Variants in ARHGEF3 observed in about 807,000 individuals in gnomAD.
The protein encoded by ARHGEF3 is Rho guanine nucleotide exchange factor 3.
A neutral mutation model predicts 63.2 loss-of-function variants in ARHGEF3; 28 were observed. The ratio of observed to expected loss-of-function variants is 0.44; its 90% CI spans 0.33 to 0.61. ARHGEF3 has a LOEUF of 0.61. Ranked by LOEUF, ARHGEF3 falls within the 20% of genes least tolerant of loss-of-function variation. The pLI, the probability that ARHGEF3 is intolerant of heterozygous loss-of-function variation, is 0.03. For missense variants in ARHGEF3, 533 were observed against 659.3 expected (o/e 0.81, Z 2.10); for synonymous variants, 266 against 254.2 (o/e 1.05, Z -0.44).
intron 2 of ARHGEF3, among the ~76,000 whole-genome samples, chr3:56,755,463 CT>C (rs1370368296): frequency 6.6e-6 from 1 of 152,172 alleles, no homozygotes; most frequent in Non-Finnish European, 1.5e-5. Context: ...ATGAGCTCTA[CT>C]TTTTTCCAGT....
intron 3 of ARHGEF3, among the ~76,000 whole-genome samples, chr3:56,954,212 T>G (rs2106710387): frequency 6.6e-6 from 1 of 152,296 alleles, no homozygotes; most frequent in South Asian, 2.1e-4. Context: ...CAGCAGGTCC[T>G]GGTTAAGCAT....
intron 3 of ARHGEF3, chr3:56,940,285 G>C (rs1699112585): frequency 6.6e-6 from 1 of 152,144 alleles, no homozygotes; most frequent in Non-Finnish European, 1.5e-5. Flanking sequence ...TTGCAACTAG[G>C]ATTTTGTAAT....
chr3:57,041,544 A>T (rs954202104), intron 1 of ARHGEF3, among the ~76,000 whole-genome samples: 1 of 152,118 alleles, frequency 6.6e-6, no homozygotes, highest in African/African-American at 2.4e-5. Context: ...TAATTACCAA[A>T]ATATATATAT....
intron 3 of ARHGEF3, among the ~76,000 whole-genome samples, chr3:56,907,182 T>C (rs1030899710): frequency 1.3e-5 from 2 of 152,030 alleles, no homozygotes; most frequent in Admixed American, 6.6e-5. Flanking sequence ...GGTTTCACCA[T>C]GTTAGCTAGG....
intron 4 of ARHGEF3, among the ~76,000 whole-genome samples, chr3:56,847,104 G>A (rs2039516752): frequency 6.6e-6 from 1 of 152,140 alleles, no homozygotes; most frequent in African/African-American, 2.4e-5. Flanking sequence ...AGTCAGAATA[G>A]GGGGTGGAGG....
At chr3:56,783,492 T>C (rs2036658651) in intron 1 of ARHGEF3, among the ~76,000 whole-genome samples, 1 of 152,170 alleles carries the variant, frequency 6.6e-6, no homozygotes, top group African/African-American at 2.4e-5. Context: ...ATTACCTTCA[T>C]TCTTCTTGGT....
chr3:56,910,642 A>G (rs1360611136), intron 3 of ARHGEF3, among the ~76,000 whole-genome samples: 1 of 152,224 alleles, frequency 6.6e-6, no homozygotes, highest in African/African-American at 2.4e-5. Context: ...CCCAAACCTA[A>G]AAAGCCAAAA....
chr3:56,781,476 C>A (rs556608333), intron 1 of ARHGEF3, among the ~76,000 whole-genome samples: 173 of 152,218 alleles, frequency 1.1e-3, no homozygotes, highest in African/African-American at 4.0e-3. Flanking sequence ...CAACTCCTGA[C>A]CTCAGGTGAT....
intron 3 of ARHGEF3, among the ~76,000 whole-genome samples, chr3:56,948,358 T>G (rs1483636682): frequency 6.6e-6 from 1 of 152,000 alleles, no homozygotes; most frequent in Non-Finnish European, 1.5e-5. Context: ...TTTGAAAAGA[T>G]CAACAAAATT....
intron 2 of ARHGEF3, among the ~76,000 whole-genome samples, chr3:56,968,578 C>G (rs964923306): frequency 6.7e-6 from 1 of 150,166 alleles, no homozygotes; most frequent in Non-Finnish European, 1.5e-5. Flanking sequence ...ATCCTCCTGC[C>G]TCAGCCTCCC....
chr3:56,775,800 G>GCACA (rs146595496), intron 1 of ARHGEF3: 3,101 of 213,198 alleles, frequency 0.015, 16 homozygotes, highest in South Asian at 0.019. Context: ...ACACGCGCAA[G>GCACA]CACACACACA....
At chr3:56,803,728 A>G (rs1233621899), upstream of ARHGEF3, among the ~76,000 whole-genome samples, 1 of 152,034 alleles carries the variant, frequency 6.6e-6, no homozygotes, top group Admixed American at 6.5e-5. Context: ...CCTGAGCCCA[A>G]GAGTTCAAGG....
chr3:57,012,085 G>A (rs1029018597), intron 2 of ARHGEF3, among the ~76,000 whole-genome samples: 4 of 152,140 alleles, frequency 2.6e-5, no homozygotes, highest in African/African-American at 9.7e-5. Context: ...AGAAGACTGA[G>A]GTTGAGTATG....
chr3:56,893,673 GT>G (rs2041196855), intron 3 of ARHGEF3, among the ~76,000 whole-genome samples: 1 of 152,132 alleles, frequency 6.6e-6, no homozygotes, highest in African/African-American at 2.4e-5. Flanking sequence ...CGGCATGGTG[GT>G]GTGCCCCTGT....
rs1560156220 is a variant in ARHGEF3 at position 57,042,685 on chromosome 3, TATATATATA to T, written c.-27-7518_-27-7510del. ...ATATATATATATATATATATATATATATATATATATATATATTTTTTTTTTTTTTTAGAC... is the reference window on the plus strand; with the variant it reads ...ATATATATATATATATATATATATATTATATATTTTTTTTTTTTTTTAGAC... On this transcript the variant is annotated intron_variant, in intron 1 of 12. Transcript: ENST00000338458. Among the ~76,000 whole-genome samples, 28 of 35,352 alleles carry T rather than the reference TATATATATA, an allele frequency of 7.9e-4. 1 individual carries two copies. The highest frequency in any genetic ancestry group is 3.5e-3 in the African/African-American group (19 of 5,494). The allele number at this position is 35,352 out of a possible 152,430, so 23.2% of individuals were successfully genotyped here.
At chr3:56,883,342 T>C (rs1005837157) in intron 3 of ARHGEF3, among the ~76,000 whole-genome samples, 8 of 151,628 alleles carry the variant, frequency 5.3e-5, no homozygotes, top group Non-Finnish European at 1.0e-4. Flanking sequence ...CTCTGTTGCC[T>C]AGGCTGGAGT....
intron 1 of ARHGEF3, among the ~76,000 whole-genome samples, chr3:57,077,665 G>C (rs1706279599): frequency 6.6e-6 from 1 of 152,118 alleles, no homozygotes; most frequent in South Asian, 2.1e-4. Flanking sequence ...ACAGAGACTA[G>C]ACAATGTCAG....
chr3:56,994,084 A>AAAAAAAAAAAAAAAAAAT (rs1701881374), intron 2 of ARHGEF3, among the ~76,000 whole-genome samples: 1 of 146,362 alleles, frequency 6.8e-6, no homozygotes, highest in South Asian at 2.2e-4. Context: ...AAAAAAAAAA[A>AAAAAAAAAAAAAAAAAAT]AGCACACTGT....
intron 3 of ARHGEF3, among the ~76,000 whole-genome samples, chr3:56,926,176 T>C (rs1338500819): frequency 6.6e-6 from 1 of 151,880 alleles, no homozygotes; most frequent in Non-Finnish European, 1.5e-5. Context: ...TGGTTGTCAG[T>C]GATGTATAGG....
Sources: gnomAD v4.1 joint callset for allele counts (sites outside exome capture counted in the v4.1 genomes callset) on GRCh38, gnomAD v4.1.1 for gene constraint, MANE v1.5 for transcripts, NCBI Gene and HGNC (gene_info 2026-07-23, HGNC 2026-07-21) for gene names.